Variants in KIAA0825 observed in about 807,000 individuals in gnomAD.
KIAA0825 encodes uncharacterized protein KIAA0825.
A neutral mutation model predicts 147.6 loss-of-function variants in KIAA0825; 119 were observed. That is an observed-to-expected ratio of 0.81 (90% confidence interval 0.69 to 0.94). The LOEUF (loss-of-function observed/expected upper bound fraction) is 0.94, where lower values mean the gene tolerates loss of function less well. KIAA0825 is among the 40% of genes least tolerant of loss of function. KIAA0825 has a pLI of 0.00. For missense variants in KIAA0825, 1,381 were observed against 1,472.7 expected, an observed-to-expected ratio of 0.94 and a Z score of 1.02; for synonymous variants, 470 against 518.1, an observed-to-expected ratio of 0.91 and a Z score of 1.26.
At chr5:94,454,290 A>G (rs2150917814) in intron 12 of KIAA0825, among the ~76,000 whole-genome samples, 1 of 152,328 alleles carries the variant, frequency 6.6e-6, no homozygotes, top group African/African-American at 2.4e-5. Context: ...CAGGAGCAAT[A>G]GTGTCTTTTG....
chr5:94,358,985 A>G lies in KIAA0825; in HGVS notation c.3710+25383T>C, dbSNP rs574180104. On this transcript the variant is annotated intron_variant, in intron 20 of 20. Transcript: ENST00000682413. ...ATCATGAAATGAAAACTATTTAGCA[A>G]TTTACTAATCAATTTGTAATTCTAT... Among the ~76,000 whole-genome samples, 8 of 152,326 alleles carry G rather than the reference A, an allele frequency of 5.3e-5. No individual in the cohort carries two copies. In the South Asian group the frequency reaches 1.7e-3, roughly 32 times the overall value.
At chr5:94,186,039 T>C (rs1770089721) in intron 20 of KIAA0825, among the ~76,000 whole-genome samples, 1 of 152,200 alleles carries the variant, frequency 6.6e-6, no homozygotes, top group South Asian at 2.1e-4. Context: ...GGTAATACAA[T>C]GCATTTTCTG....
intron 17 of KIAA0825, among the ~76,000 whole-genome samples, chr5:94,394,372 T>C (rs1028414415): frequency 6.6e-6 from 1 of 152,226 alleles, no homozygotes; most frequent in African/African-American, 2.4e-5. Flanking sequence ...AGGGCTGTAC[T>C]GCATTTTTTA....
intron 20 of KIAA0825, among the ~76,000 whole-genome samples, chr5:94,382,944 C>T (rs987173462): frequency 5.3e-5 from 8 of 152,190 alleles, no homozygotes; most frequent in Non-Finnish European, 1.5e-5. Flanking sequence ...TCTGTATAAA[C>T]TCAAAACTTT....
chr5:94,512,799 G>A lies in KIAA0825; in HGVS notation c.970+7449C>T, dbSNP rs1275477866. On this transcript the variant is annotated intron_variant, in intron 5 of 20. Transcript: ENST00000682413. ...GTAGTCCCAGCTACTGGGAGGCTGA[G>A]ACAGGAGAATCGCTTTTACCTGGGA... 2.0e-5 allele frequency among the ~76,000 whole-genome samples: 3 copies of A among 152,080 alleles called. No individual in the cohort carries two copies. The East Asian group carries it at 5.8e-4, about 29-fold the overall frequency.
intron 6 of KIAA0825, among the ~76,000 whole-genome samples, chr5:94,479,910 T>G (rs564292984): frequency 1.3e-5 from 2 of 152,268 alleles, no homozygotes; most frequent in African/African-American, 4.8e-5. Flanking sequence ...GTTCAGATCT[T>G]TTATGAATTT....
chr5:94,313,673 C>T (rs949785424), intron 20 of KIAA0825, among the ~76,000 whole-genome samples: 2 of 150,022 alleles, frequency 1.3e-5, no homozygotes, highest in Non-Finnish European at 3.0e-5. Context: ...TTGGCAAAGT[C>T]GGCAAGTTCC....
chr5:94,246,434 C>T (rs937729663), intron 20 of KIAA0825, among the ~76,000 whole-genome samples: 1 of 152,072 alleles, frequency 6.6e-6, no homozygotes, highest in African/African-American at 2.4e-5. Flanking sequence ...CTTTAATTTA[C>T]CACACCGTAA....
chr5:94,454,762 A>G (rs900463832), intron 12 of KIAA0825, among the ~76,000 whole-genome samples: 2 of 152,312 alleles, frequency 1.3e-5, no homozygotes, highest in South Asian at 2.1e-4. Flanking sequence ...CAGGTTGGAA[A>G]GAGTCAGGCA....
chr5:94,584,411 G>T (rs1228143454), intron 1 of KIAA0825, among the ~76,000 whole-genome samples: 1 of 152,130 alleles, frequency 6.6e-6, no homozygotes, highest in Non-Finnish European at 1.5e-5. Flanking sequence ...TTCAATAGCC[G>T]ATTTGATTAA....
chr5:94,329,634 A>G (rs1781063791), intron 20 of KIAA0825, among the ~76,000 whole-genome samples: 1 of 152,170 alleles, frequency 6.6e-6, no homozygotes, highest in East Asian at 1.9e-4. Flanking sequence ...TAAAAAACAA[A>G]ACAAAATTAC....
intron 6 of KIAA0825, among the ~76,000 whole-genome samples, chr5:94,478,066 TCTAA>T (rs1256191732): frequency 1.3e-5 from 2 of 152,222 alleles, no homozygotes; most frequent in South Asian, 2.1e-4. Flanking sequence ...AATTTCAAAA[TCTAA>T]CTGTCTTTAT....
At chr5:94,264,589 T>A (rs750780091) in intron 20 of KIAA0825, among the ~76,000 whole-genome samples, 5 of 152,180 alleles carry the variant, frequency 3.3e-5, no homozygotes, top group Non-Finnish European at 5.9e-5. Flanking sequence ...TTTGCATTCA[T>A]GTCAATTTCT....
chr5:94,350,601 A>G (rs576089909), intron 20 of KIAA0825, among the ~76,000 whole-genome samples: 4 of 152,342 alleles, frequency 2.6e-5, no homozygotes, highest in African/African-American at 9.6e-5. Context: ...TGGGTTTCAT[A>G]CCAGGGATGC....
intron 14 of KIAA0825, among the ~76,000 whole-genome samples, chr5:94,419,054 A>T (rs60334798): frequency 0.11 from 15,973 of 151,770 alleles, 1,245 homozygotes; most frequent in African/African-American, 0.23. Flanking sequence ...TTTTTGTTTT[A>T]TTGTAGAGAT....
intron 20 of KIAA0825, among the ~76,000 whole-genome samples, chr5:94,376,277 G>T (rs1290876994): frequency 1.3e-5 from 2 of 152,104 alleles, no homozygotes; most frequent in Non-Finnish European, 2.9e-5. Context: ...TAAAGTACCA[G>T]ATACTATAGT....
chr5:94,351,196 C>T (rs762332985), intron 20 of KIAA0825, among the ~76,000 whole-genome samples: 40 of 152,220 alleles, frequency 2.6e-4, no homozygotes, highest in Non-Finnish European at 4.9e-4. Flanking sequence ...CAGAAAGCTC[C>T]TAGAGCTGAT....
At chr5:94,584,461 G>T (rs1782867570) in intron 1 of KIAA0825, among the ~76,000 whole-genome samples, 1 of 152,152 alleles carries the variant, frequency 6.6e-6, no homozygotes, top group Admixed American at 6.5e-5. Context: ...CCAAATTAAT[G>T]AAATAAAGCG....
chr5:94,352,718 A>C (rs1434857372), intron 20 of KIAA0825, among the ~76,000 whole-genome samples: 1 of 152,250 alleles, frequency 6.6e-6, no homozygotes, highest in Non-Finnish European at 1.5e-5. Flanking sequence ...GTATACATAT[A>C]TACATACGAT....
Sources: gnomAD v4.1 joint callset for allele counts (sites outside exome capture counted in the v4.1 genomes callset) on GRCh38, gnomAD v4.1.1 for gene constraint, MANE v1.5 for transcripts, NCBI Gene and HGNC (gene_info 2026-07-23, HGNC 2026-07-21) for gene names.